NMU: variants seen among roughly 807,000 people sequenced by gnomAD.
NMU encodes neuromedin-U.
NMU carries 29 observed loss-of-function variants against 35.4 expected under a neutral mutation model. The observed-to-expected ratio is 0.82, with a 90% CI of 0.61 to 1.12. The LOEUF is 1.12. Ranked by LOEUF, NMU falls within the 50% of genes most tolerant of loss-of-function variation. The pLI is 0.00. For synonymous variants in NMU, 78 were observed against 81.3 expected, an observed-to-expected ratio of 0.96 and a Z score of 0.22; for missense variants, 199 against 206.2, an observed-to-expected ratio of 0.97 and a Z score of 0.21.
chr4:55,603,999 G>GTA (rs1560513616), intron 7 of NMU, among the ~76,000 whole-genome samples: 4 of 43,072 alleles, frequency 9.3e-5, no homozygotes, highest in African/African-American at 3.6e-4. Context: ...ATATATATAC[G>GTA]TATATATGTA....
intron 6 of NMU, among the ~76,000 whole-genome samples, chr4:55,606,967 C>T (rs1329078423): frequency 1.3e-5 from 2 of 152,134 alleles, no homozygotes; most frequent in African/African-American, 4.8e-5. Context: ...CATGAGCCAC[C>T]ATACCTGGCC....
intron 6 of NMU, among the ~76,000 whole-genome samples, chr4:55,605,732 T>C (rs1733657774): frequency 6.6e-6 from 1 of 152,238 alleles, no homozygotes; most frequent in African/African-American, 2.4e-5. Flanking sequence ...ACACTGCCAG[T>C]AGCAATTTTC....
intron 7 of NMU, among the ~76,000 whole-genome samples, chr4:55,602,876 A>G (rs1577934742): frequency 6.6e-6 from 1 of 152,232 alleles, no homozygotes; most frequent in African/African-American, 2.4e-5. Flanking sequence ...AATTTTGAGG[A>G]ATATATTCAC....
upstream of NMU, chr4:55,636,358 T>A (rs924521239): frequency 4.7e-6 from 5 of 1,061,552 alleles, no homozygotes; most frequent in African/African-American, 1.7e-5. This position sits in a 1 kb window ranked among gnomAD's most constrained non-coding sequence, Gnocchi z 4.0. Flanking sequence ...GGCTGCGCGG[T>A]CCCCGCCGCG....
intron 1 of NMU, among the ~76,000 whole-genome samples, chr4:55,634,784 C>T (rs1906677): frequency 0.33 from 50,673 of 151,946 alleles, 9,375 homozygotes; most frequent in Middle Eastern, 0.45. Context: ...TCACTACTGG[C>T]TATGTGGAGA....
At chr4:55,610,278 C>T (rs1346327417) in intron 3 of NMU, among the ~76,000 whole-genome samples, 1 of 152,004 alleles carries the variant, frequency 6.6e-6, no homozygotes, top group Non-Finnish European at 1.5e-5. Flanking sequence ...GCCTGGCCAA[C>T]ACGGTGAAAC....
At chr4:55,635,354 G>A (rs936849959) in intron 1 of NMU, among the ~76,000 whole-genome samples, 1 of 152,194 alleles carries the variant, frequency 6.6e-6, no homozygotes, top group African/African-American at 2.4e-5. Context: ...TTCCCTCTAA[G>A]CCAAGCTCAG....
At chr4:55,632,655 T>C (rs1012818671) in intron 1 of NMU, among the ~76,000 whole-genome samples, 1 of 152,208 alleles carries the variant, frequency 6.6e-6, no homozygotes, top group Non-Finnish European at 1.5e-5. Context: ...AATTTCCATA[T>C]AAAACACCTG....
At chr4:55,599,940 T>C (rs1404056299) in intron 8 of NMU, among the ~76,000 whole-genome samples, 1 of 152,158 alleles carries the variant, frequency 6.6e-6, no homozygotes, top group East Asian at 1.9e-4. Context: ...CAGCACCCAG[T>C]AGAAGTTCAA....
intron 4 of NMU, among the ~76,000 whole-genome samples, chr4:55,608,235 A>C (rs1230412993): frequency 6.6e-6 from 1 of 151,568 alleles, no homozygotes. Flanking sequence ...GTTCTTTCTC[A>C]CTTGCTTTTA....
intron 8 of NMU, 116 bp from the exon 9 acceptor site, chr4:55,599,297 G>T: frequency 1.2e-6 from 1 of 824,384 alleles, no homozygotes; most frequent in Non-Finnish European, 2.1e-6. Flanking sequence ...CATCTAGAGG[G>T]CTTTTTACAA....
intron 3 of NMU, among the ~76,000 whole-genome samples, chr4:55,613,744 A>G (rs992441511): frequency 1.3e-5 from 2 of 152,076 alleles, no homozygotes; most frequent in African/African-American, 2.4e-5. Context: ...TTGAAACCCA[A>G]TTAGGTGATG....
intron 8 of NMU, 29 bp downstream of exon 8, chr4:55,600,493 G>T: frequency 2.1e-6 from 3 of 1,446,584 alleles, no homozygotes; most frequent in South Asian, 2.3e-5. Flanking sequence ...GGTGTAGATT[G>T]ATTTTTTAAA....
intron 3 of NMU, among the ~76,000 whole-genome samples, chr4:55,613,748 G>C (rs1734019881): frequency 6.6e-6 from 1 of 152,018 alleles, no homozygotes; most frequent in African/African-American, 2.4e-5. Context: ...AACCCAATTA[G>C]GTGATGGAGC....
intron 1 of NMU, among the ~76,000 whole-genome samples, chr4:55,634,902 C>CACA (rs71891523): frequency 3.2e-4 from 49 of 151,936 alleles, no homozygotes; most frequent in African/African-American, 1.2e-3. Flanking sequence ...ACACACACAC[C>CACA]CCCCTCCAAT....
At chr4:55,634,643 C>T (rs1715802370) in intron 1 of NMU, among the ~76,000 whole-genome samples, 1 of 152,142 alleles carries the variant, frequency 6.6e-6, no homozygotes, top group Non-Finnish European at 1.5e-5. Flanking sequence ...CTTTACATAG[C>T]AAAGTCAGTT....
intron 2 of NMU, among the ~76,000 whole-genome samples, chr4:55,620,185 GAGA>G (rs1217423193): frequency 1.2e-4 from 4 of 33,810 alleles, no homozygotes; most frequent in Non-Finnish European, 6.4e-5. Context: ...GACGAGCTGA[GAGA>G]AGAAGGCTTC....
intron 2 of NMU, among the ~76,000 whole-genome samples, chr4:55,627,738 TCTCAAACGAGTTC>T (rs1734591058): frequency 6.6e-6 from 1 of 152,184 alleles, no homozygotes; most frequent in Non-Finnish European, 1.5e-5. Flanking sequence ...TCTCCTGAAC[TCTCAAACGAGTTC>T]TAATAGTTCA....
intron 8 of NMU, 83 bp downstream of exon 8, chr4:55,600,439 G>A: frequency 1.1e-6 from 1 of 926,070 alleles, no homozygotes; most frequent in Non-Finnish European, 1.8e-6. Flanking sequence ...AAACTTAATT[G>A]AAATGTAAAA....
Sources: gnomAD v4.1 joint callset for allele counts (sites outside exome capture counted in the v4.1 genomes callset) on GRCh38, gnomAD v4.1.1 for gene constraint, Gnocchi (gnomAD v3.1) non-coding constraint, MANE v1.5 for transcripts, NCBI Gene and HGNC (gene_info 2026-07-23, HGNC 2026-07-21) for gene names.